Variants in SLC25A52 observed in about 807,000 individuals in gnomAD.
SLC25A52 encodes mitochondrial nicotinamide adenine dinucleotide transporter SLC25A52.
A neutral mutation model predicts 17.7 loss-of-function variants in SLC25A52; 12 were observed. The ratio of observed to expected loss-of-function variants is 0.68; its 90% CI spans 0.43 to 1.10. The LOEUF is 1.10. Ranked by LOEUF, SLC25A52 falls within the 50% of genes least tolerant of loss-of-function variation. SLC25A52 has a pLI of 0.00. For missense variants in SLC25A52, 298 were observed against 364.9 expected (o/e 0.82, Z 1.49); for synonymous variants, 108 against 135.1 (o/e 0.80, Z 1.39).
At position 31,760,771 on chromosome 18, in the gene SLC25A52, GT is replaced by G; in HGVS notation, c.-111del. On this transcript the variant is annotated 5_prime_UTR_variant, in exon 1 of 1. The change abolishes the stop of an existing upstream ORF in the 5' untranslated region. Transcript: ENST00000269205. ...GATAATGTTCCCAATTTCTTCCATT[GT>G]TATTGTTCTGTTAGGTTCTCTCTTC... 1 of 1,375,824 alleles carries G rather than the reference GT, an allele frequency of 7.3e-7. No individual in the cohort carries two copies. The highest frequency in any genetic ancestry group is 2.3e-5 in the East Asian group (1 of 43,496). The allele number at this position is 1,375,824 out of a possible 1,614,324, so 85.2% of individuals were successfully genotyped here.
rs1293365524 is a variant in SLC25A52, at chr18:31,760,301, G to A, written c.361C>T (p.His121Tyr). Residue 121 changes from histidine to tyrosine, a missense_variant, in exon 1 of 1, where the codon CAT (histidine) becomes TAT (tyrosine). His to Tyr is a moderately conservative substitution (Grantham distance 83). Coordinates refer to ENST00000269205, the MANE Select transcript of SLC25A52 (RefSeq NM_001034172.4). Reference protein sequence around the residue: ...KHVRAPEFATHGVAAVLAGTA... With the variant: ...KHVRAPEFATYGVAAVLAGTA... ...CCTGCAAGCACTGCCGCCACGCCAT[G>A]GGTTGCAAACTCTGGAGCACGGACA... The A allele has an allele frequency of 2.5e-6, 4 of 1,614,062 alleles. No homozygotes were observed. Among genetic ancestry groups the A allele is most frequent in the East Asian group, 2.2e-5 (1 of 44,890 alleles).
At position 31,760,480 on chromosome 18, in the gene SLC25A52, T is replaced by C. The variant is rs200044067; in HGVS notation, c.182A>G (p.Tyr61Cys). 2.5e-6 allele frequency: 4 copies of C among 1,614,220 alleles called. No individual in the cohort carries two copies. The highest frequency in any genetic ancestry group is 1.7e-5 in the Admixed American group (1 of 60,028). ...IQKVLFRQQL[Y>C]GIKTRDAVLQ... is the part of the protein sequence containing the mutation. ...TACTGCATCCCGGGTTTTGATGCCATACAGCTGTTGCCGAAAGAGGACCTT... is the reference window on the plus strand; with the variant it reads ...TACTGCATCCCGGGTTTTGATGCCACACAGCTGTTGCCGAAAGAGGACCTT... The change falls in exon 1 of 1, where the codon TAT (tyrosine) becomes TGT (cysteine). Residue 61 changes from tyrosine to cysteine, a missense_variant. Transcript: ENST00000269205.
At position 31,760,526 on chromosome 18, in the gene SLC25A52, C is replaced by T. The variant is rs139162190; in HGVS notation, c.136G>A (p.Ala46Thr). ...CGCCAAFNNV[A>T]ITYPIQKVLF... ...ACCTTCTGAATGGGATATGTGATTG[C>T]GACGTTGTTGAAGGCTGCACAGCAG... Residue 46 changes from alanine to threonine, a missense_variant, in exon 1 of 1, where the codon GCA (alanine) becomes ACA (threonine). By Grantham distance (58) the Ala-to-Thr change is moderately conservative (BLOSUM62 0). Transcript: ENST00000269205. The T allele has an allele frequency of 2.5e-6, 4 of 1,614,162 alleles. No homozygotes were observed. The highest frequency in any genetic ancestry group is 3.4e-6 in the Non-Finnish European group (4 of 1,180,020).
chr18:31,760,522 AT>A lies in SLC25A52; in HGVS notation c.139del (p.Ile47SerfsTer26), dbSNP rs1367467933. On this transcript the variant is annotated frameshift_variant, in exon 1 of 1. Coordinates refer to ENST00000269205, the MANE Select transcript of SLC25A52 (RefSeq NM_001034172.4). LOFTEE classifies it high-confidence loss of function. ...GAGGACCTTCTGAATGGGATATGTG[AT>A]TGCGACGTTGTTGAAGGCTGCACAG... Reference protein sequence around the residue: ...GCCAAFNNVAITYPIQKVLFR... With the variant: ...GCCAAFNNVAXTYPIQKVLFR... 3.1e-6 allele frequency: 5 copies of A among 1,614,076 alleles called. No homozygotes were observed. Among genetic ancestry groups the A allele is most frequent in the Non-Finnish European group, 4.2e-6 (5 of 1,180,038 alleles).
rs747637029 is a variant in SLC25A52, at chr18:31,759,921, A to G, written c.741T>C (p.Phe247=). 1 of 1,612,174 alleles carries G rather than the reference A, an allele frequency of 6.2e-7. No individual in the cohort carries two copies. Among genetic ancestry groups the G allele is most frequent in the Non-Finnish European group, 8.5e-7 (1 of 1,179,320 alleles). ...TRLQSQIGGE[F]QSFPKVFQKI... ...TTTGGAAAACCTTGGGGAAAGACTGAAATTCCCCACCAATCTGAGACTGTA... is the reference window on the plus strand; with the variant it reads ...TTTGGAAAACCTTGGGGAAAGACTGGAATTCCCCACCAATCTGAGACTGTA... The change falls in exon 1 of 1, where the codon TTT becomes TTC. Residue 247 remains phenylalanine (F), a synonymous_variant. Coordinates refer to ENST00000269205, the MANE Select transcript of SLC25A52 (RefSeq NM_001034172.4).
At position 31,759,833 on chromosome 18, in the gene SLC25A52, G is replaced by T; in HGVS notation, c.829C>A (p.His277Asn). 1 of 1,608,504 alleles carries T rather than the reference G, an allele frequency of 6.2e-7. No homozygotes were observed. ...ATGCCCCAAGAGATGAGGGACCGAT[G>T]GTAATTCAGATGGGCACCTCTGAAA... Reference protein sequence around the residue: ...NLFRGAHLNYHRSLISWGIIN... With the variant: ...NLFRGAHLNYNRSLISWGIIN... Residue 277 changes from histidine to asparagine, a missense_variant, in exon 1 of 1, where the codon CAT (histidine) becomes AAT (asparagine). Transcript: ENST00000269205.
rs1272398581 is a variant in SLC25A52, at chr18:31,759,949, C to A, written c.713G>T (p.Arg238Leu). ...TTCCCCACCAATCTGAGACTGTAGG[C>A]GAGTTTTTACAACATTAATTGGAAA... ...LCFPINVVKT[R>L]LQSQIGGEFQ... Residue 238 changes from arginine to leucine, a missense_variant, in exon 1 of 1, where the codon CGC becomes CTC. Transcript: ENST00000269205. The A allele has an allele frequency of 4.3e-6, 7 of 1,611,498 alleles. No homozygotes were observed. Among genetic ancestry groups the A allele is most frequent in the Middle Eastern group, 4.3e-4 (2 of 4,636 alleles).
Position 31,760,878 on chromosome 18 carries a change from T to C in SLC25A52, c.-217A>G, listed in dbSNP as rs901819147. 1 of 735,378 alleles carries C rather than the reference T, an allele frequency of 1.4e-6. No homozygotes were observed. The highest frequency in any genetic ancestry group is 2.2e-6 in the Non-Finnish European group (1 of 459,190). 45.6% of individuals were successfully genotyped at this position (735,378 alleles called of 1,614,324 possible). On this transcript the variant is annotated 5_prime_UTR_variant, in exon 1 of 1. Coordinates refer to ENST00000269205, the MANE Select transcript of SLC25A52 (RefSeq NM_001034172.4). ...CATCGCCGCCGGCGCCCCGCAGGAC[T>C]GCGAGCAAGCCGGGACCTGCGCAGG...
Position 31,759,723 on chromosome 18 carries a change from A to C in SLC25A52, c.*45T>G, listed in dbSNP as rs775104007. 1.3e-6 allele frequency: 2 copies of C among 1,549,024 alleles called. No homozygotes were observed. Among genetic ancestry groups the C allele is most frequent in the Admixed American group, 4.2e-5 (2 of 47,768 alleles). On this transcript the variant is annotated 3_prime_UTR_variant, in exon 1 of 1. Coordinates refer to ENST00000269205, the MANE Select transcript of SLC25A52 (RefSeq NM_001034172.4). ...AGAGGCCAAACTGCATTCTTCTTAG[A>C]AGGTCTATTCAGTTGATAAATGGCA...
At position 31,760,100 on chromosome 18, in the gene SLC25A52, C is replaced by T. The variant is rs1347195811; in HGVS notation, c.562G>A (p.Val188Ile). ...GGACCTCGAAGGCCGAAAAACAAGA[C>T]ATTGCTGAGTCCATTCCGGAAAAGA... ...PILFRNGLSN[V>I]LFFGLRGPIK... The change falls in exon 1 of 1, where the codon GTC (valine) becomes ATC (isoleucine). Residue 188 changes from valine to isoleucine, a missense_variant. Physicochemically the swap from Val to Ile is conservative, Grantham distance 29. Coordinates refer to ENST00000269205, the MANE Select transcript of SLC25A52 (RefSeq NM_001034172.4). The T allele has an allele frequency of 6.2e-7, 1 of 1,612,108 alleles. No individual in the cohort carries two copies. Among genetic ancestry groups the T allele is most frequent in the African/African-American group, 1.3e-5 (1 of 74,840 alleles).
In SLC25A52 at chr18:31,759,917, A is replaced by C. The variant is rs778352118; in HGVS notation, c.745T>G (p.Ser249Ala). The part of the protein sequence containing the change: ...LQSQIGGEFQ[S>A]FPKVFQKIWL... ...ATTTTTTGGAAAACCTTGGGGAAAG[A>C]CTGAAATTCCCCACCAATCTGAGAC... The change falls in exon 1 of 1, where the codon TCT becomes GCT. Residue 249 changes from serine to alanine, a missense_variant. Physicochemically the swap from Ser to Ala is moderately conservative, Grantham distance 99. Transcript: ENST00000269205. 2.5e-6 allele frequency: 4 copies of C among 1,612,086 alleles called. No individual in the cohort carries two copies. Among genetic ancestry groups the C allele is most frequent in the Middle Eastern group, 1.8e-4 (1 of 5,414 alleles).
In SLC25A52 at chr18:31,760,435, C is replaced by T. The variant is rs575014649; in HGVS notation, c.227G>A (p.Gly76Glu). The change falls in exon 1 of 1, where the codon GGA (glycine) becomes GAA (glutamate). Residue 76 changes from glycine (G) to glutamate (E), a missense_variant. Coordinates refer to ENST00000269205, the MANE Select transcript of SLC25A52 (RefSeq NM_001034172.4). ...GATTCCACGATACAAATTTCGAAAT[C>T]CATCCCTTCTCAACTGAAGTACTGC... Reference protein sequence around the residue: ...RDAVLQLRRDGFRNLYRGILP... With the variant: ...RDAVLQLRRDEFRNLYRGILP... 8 of 1,614,208 alleles carry T rather than the reference C, an allele frequency of 5.0e-6. No individual in the cohort carries two copies. In the African/African-American group the frequency reaches 6.7e-5, roughly 13 times the overall value.
Position 31,760,121 on chromosome 18 carries a change from A to G in SLC25A52, c.541T>C (p.Phe181Leu). 2 of 1,612,800 alleles carry G rather than the reference A, an allele frequency of 1.2e-6. No individual in the cohort carries two copies. Among genetic ancestry groups the G allele is most frequent in the Middle Eastern group, 3.9e-4 (2 of 5,106 alleles). The change falls in exon 1 of 1, where the codon TTC (phenylalanine) becomes CTC (leucine). Residue 181 changes from phenylalanine (F) to leucine (L), a missense_variant. Phe to Leu is a conservative substitution (Grantham distance 22, BLOSUM62 0). Transcript: ENST00000269205. Reference protein sequence around the residue: ...EYYRGLVPILFRNGLSNVLFF... With the variant: ...EYYRGLVPILLRNGLSNVLFF... ...AAGACATTGCTGAGTCCATTCCGGA[A>G]AAGAATGGGCACCAAGCCTCGATAA...
At position 31,759,817 on chromosome 18, in the gene SLC25A52, G is replaced by A. The variant is rs2031474857; in HGVS notation, c.845C>T (p.Ser282Phe). 6.2e-7 allele frequency: 1 copy of A among 1,604,868 alleles called. No homozygotes were observed. The highest frequency in any genetic ancestry group is 1.7e-5 in the Admixed American group (1 of 57,744). Residue 282 changes from serine to phenylalanine, a missense_variant, in exon 1 of 1, where the codon TCT (serine) becomes TTT (phenylalanine). Physicochemically the swap from Ser to Phe is radical, Grantham distance 155. Coordinates refer to ENST00000269205, the MANE Select transcript of SLC25A52 (RefSeq NM_001034172.4). ...AHLNYHRSLI[S>F]WGIINATYEF... ...ATAAGTTGCATTGATTATGCCCCAA[G>A]AGATGAGGGACCGATGGTAATTCAG... is the stretch of plus-strand genomic sequence containing the variant.
chr18:31,760,233 T>C lies in SLC25A52; in HGVS notation c.429A>G (p.Thr143=). The change falls in exon 1 of 1, where the codon ACA becomes ACG. Residue 143 remains threonine (T), a synonymous_variant. Coordinates refer to ENST00000269205, the MANE Select transcript of SLC25A52 (RefSeq NM_001034172.4). ...AIFTPLERVQ[T]LLQNHKHHDK... is the part of the protein sequence containing the mutation. ...CATGATGCTTGTGGTTTTGAAGCAA[T>C]GTCTGAACTCTTTCCAGTGGAGTGA... 6.2e-7 allele frequency: 1 copy of C among 1,614,002 alleles called. No individual in the cohort carries two copies.
Position 31,759,888 on chromosome 18 carries a change from C to A in SLC25A52, c.774G>T (p.Trp258Cys). 2 of 1,612,630 alleles carry A rather than the reference C, an allele frequency of 1.2e-6. No individual in the cohort carries two copies. The highest frequency in any genetic ancestry group is 1.7e-6 in the Non-Finnish European group (2 of 1,179,096). Residue 258 changes from tryptophan to cysteine, a missense_variant, in exon 1 of 1, where the codon TGG (tryptophan) becomes TGT (cysteine). Physicochemically the swap from Trp to Cys is radical, Grantham distance 215. Transcript: ENST00000269205. Reference sequence around the variant, plus strand: ...TTATCAGTTTTCTGTCCCGTTCCAGCCAGATTTTTTGGAAAACCTTGGGGA... The same window carrying A: ...TTATCAGTTTTCTGTCCCGTTCCAGACAGATTTTTTGGAAAACCTTGGGGA... ...QSFPKVFQKI[W>C]LERDRKLINL... is the part of the protein sequence containing the mutation.
In SLC25A52 at chr18:31,760,324, A is replaced by G. The variant is rs1194888534; in HGVS notation, c.338T>C (p.Val113Ala). 1 of 1,614,164 alleles carries G rather than the reference A, an allele frequency of 6.2e-7. No homozygotes were observed. The highest frequency in any genetic ancestry group is 8.5e-7 in the Non-Finnish European group (1 of 1,179,998). The change falls in exon 1 of 1, where the codon GTC (valine) becomes GCC (alanine). Residue 113 changes from valine (V) to alanine (A), a missense_variant. Physicochemically the swap from Val to Ala is moderately conservative, Grantham distance 64. Transcript: ENST00000269205. ...EDLSCLLRKHVRAPEFATHGV... is the reference protein window; with the variant it reads ...EDLSCLLRKHARAPEFATHGV... Reference sequence around the variant, plus strand: ...ATGGGTTGCAAACTCTGGAGCACGGACATGCTTCCGGAGAAGGCAGGATAA... The same window carrying G: ...ATGGGTTGCAAACTCTGGAGCACGGGCATGCTTCCGGAGAAGGCAGGATAA...
chr18:31,759,678 T>C lies in SLC25A52; in HGVS notation c.*90A>G. The stretch of plus-strand genomic sequence containing the variant: ...GTGGCCTGGAGTTATGACACGAACT[T>C]GTATTTGGCCAATTAAGAAAGAGGC... On this transcript the variant is annotated 3_prime_UTR_variant, in exon 1 of 1. Transcript: ENST00000269205. 1.4e-6 allele frequency: 2 copies of C among 1,446,268 alleles called. No individual in the cohort carries two copies. The highest frequency in any genetic ancestry group is 1.9e-6 in the Non-Finnish European group (2 of 1,074,190). The allele number at this position is 1,446,268 out of a possible 1,614,324, so 89.6% of individuals were successfully genotyped here. A position where few individuals can be genotyped will look rare whatever the true frequency, so the allele number is the denominator to read the frequency against.
rs1438209158 is a variant in SLC25A52 at position 31,760,581 on chromosome 18, A to T, written c.81T>A (p.Asn27Lys). ...SKQDISPHIT[N>K]VGEMKHYLCG... is the part of the protein sequence containing the mutation. ...ACAAGTAATGCTTCATTTCACCAAC[A>T]TTTGTAATATGAGGTGATATATCTT... Residue 27 changes from asparagine to lysine, a missense_variant, in exon 1 of 1, where the codon AAT becomes AAA. Transcript: ENST00000269205. 6.8e-6 allele frequency: 11 copies of T among 1,614,160 alleles called. No homozygotes were observed. The highest frequency in any genetic ancestry group is 9.3e-6 in the Non-Finnish European group (11 of 1,179,996).
Sources: gnomAD v4.1 joint callset for allele counts on GRCh38, gnomAD v4.1.1 for gene constraint, MANE v1.5 for transcripts, NCBI Gene and HGNC (gene_info 2026-07-23, HGNC 2026-07-21) for gene names.